TANGO6: variants seen among roughly 807,000 people sequenced by gnomAD.
TANGO6 encodes transport and Golgi organization protein 6 homolog.
A neutral mutation model predicts 114.2 loss-of-function variants in TANGO6; 90 were observed. That is an observed-to-expected ratio of 0.79 (90% CI 0.66 to 0.94). The LOEUF (loss-of-function observed/expected upper bound fraction) is 0.94. Ranked by LOEUF, TANGO6 falls within the 40% of genes least tolerant of loss-of-function variation. TANGO6 has a pLI of 0.00. For synonymous variants in TANGO6, 477 were observed against 509.8 expected (o/e 0.94, Z 0.87); for missense variants, 1,274 against 1,315.3 (o/e 0.97, Z 0.49).
At chr16:68,846,175 G>A (rs978597877) in intron 1 of TANGO6, among the ~76,000 whole-genome samples, 2 of 151,904 alleles carry the variant, frequency 1.3e-5, no homozygotes, top group East Asian at 1.9e-4. Flanking sequence ...ACAGGCATGC[G>A]CCACATGCCC....
intron 15 of TANGO6, among the ~76,000 whole-genome samples, chr16:69,015,548 C>G (rs1959280898): frequency 6.6e-6 from 1 of 151,740 alleles, no homozygotes; most frequent in Admixed American, 6.6e-5. Flanking sequence ...GTGGCATGAT[C>G]TCGGCTAACT....
At chr16:69,054,323 C>T (rs897378837) in intron 17 of TANGO6, among the ~76,000 whole-genome samples, 2 of 152,160 alleles carry the variant, frequency 1.3e-5, no homozygotes, top group African/African-American at 4.8e-5. Context: ...TACCTGGATG[C>T]AGAGAGTAGT....
intron 12 of TANGO6, among the ~76,000 whole-genome samples, chr16:68,922,123 C>CT (rs1258496277): frequency 1.3e-5 from 2 of 151,868 alleles, no homozygotes; most frequent in Non-Finnish European, 2.9e-5. Context: ...TCATCTGAAC[C>CT]TTTTTTGTTT....
chr16:69,006,707 C>T (rs1208113121), intron 15 of TANGO6, among the ~76,000 whole-genome samples: 4 of 152,136 alleles, frequency 2.6e-5, no homozygotes, highest in African/African-American at 7.2e-5. Flanking sequence ...ACTGAGATCG[C>T]ACCACTGCAC....
chr16:69,005,686 G>T (rs1483989860), intron 15 of TANGO6, among the ~76,000 whole-genome samples: 1 of 151,934 alleles, frequency 6.6e-6, no homozygotes, highest in Non-Finnish European at 1.5e-5. Flanking sequence ...TACTTGGGAG[G>T]CTGAGGGAGG....
intron 14 of TANGO6, among the ~76,000 whole-genome samples, chr16:68,966,806 C>T (rs1963650887): frequency 6.9e-6 from 1 of 145,542 alleles, no homozygotes; most frequent in Non-Finnish European, 1.5e-5. Context: ...CAGTCTCGCT[C>T]TGTCACTCAG....
chr16:69,060,249 C>T (rs927110619), intron 17 of TANGO6, among the ~76,000 whole-genome samples: 6 of 152,098 alleles, frequency 3.9e-5, no homozygotes, highest in African/African-American at 1.4e-4. Flanking sequence ...AACTCCTGGG[C>T]TCAAGTGATC....
intron 17 of TANGO6, among the ~76,000 whole-genome samples, chr16:69,078,971 T>G (rs1206540072): frequency 6.7e-6 from 1 of 148,196 alleles, no homozygotes; most frequent in Non-Finnish European, 1.5e-5. Flanking sequence ...CTCGAACTCC[T>G]GAGCTCAGGT....
At chr16:69,054,029 C>CA (rs2152237985) in intron 17 of TANGO6, among the ~76,000 whole-genome samples, 1 of 152,170 alleles carries the variant, frequency 6.6e-6, no homozygotes, top group South Asian at 2.1e-4. Flanking sequence ...CACTCCATTG[C>CA]ACTCCAGCCT....
chr16:68,891,892 G>A (rs1597008016), intron 7 of TANGO6, among the ~76,000 whole-genome samples: 2 of 145,730 alleles, frequency 1.4e-5, no homozygotes, highest in Non-Finnish European at 3.0e-5. Flanking sequence ...GGGAGGGAAG[G>A]AGGGAGGGAG....
At position 68,891,817 on chromosome 16, in the gene TANGO6, C is replaced by T. The variant is rs75729083; in HGVS notation, c.1378-8617C>T. Among the ~76,000 whole-genome samples, 714 of 114,260 alleles carry T rather than the reference C, an allele frequency of 6.2e-3. 7 individuals are homozygous for T. Among genetic ancestry groups the T allele is most frequent in the African/African-American group, 0.022 (675 of 30,738 alleles). 75.0% of individuals were successfully genotyped at this position (114,260 alleles called of 152,430 possible). On this transcript the variant is annotated intron_variant, in intron 7 of 17. Coordinates refer to ENST00000261778, the MANE Select transcript of TANGO6 (RefSeq NM_024562.2). ...AGAAAGGAAAGAAGGAAGGGAAGGACGGAGGGGAGGAGGGAGGGAAAGGGA... is the reference window on the plus strand; with the variant it reads ...AGAAAGGAAAGAAGGAAGGGAAGGATGGAGGGGAGGAGGGAGGGAAAGGGA...
chr16:69,045,921 G>A lies in TANGO6; in HGVS notation c.3108+5500G>A, dbSNP rs183695241. Among the ~76,000 whole-genome samples the A allele has an allele frequency of 6.5e-3, 980 of 151,232 alleles. 5 individuals carry two copies. Among genetic ancestry groups the A allele is most frequent in the Middle Eastern group, 0.037 (11 of 294 alleles). ...TCTACTAAAAATACAAAAATTAGCCGGGCGTGGTGTCACGCATCTGTAATC... is the reference window on the plus strand; with the variant it reads ...TCTACTAAAAATACAAAAATTAGCCAGGCGTGGTGTCACGCATCTGTAATC... On this transcript the variant is annotated intron_variant, in intron 17 of 17. Coordinates refer to ENST00000261778, the MANE Select transcript of TANGO6 (RefSeq NM_024562.2).
chr16:69,023,728 G>A (rs1306759672), intron 16 of TANGO6, among the ~76,000 whole-genome samples: 3 of 151,870 alleles, frequency 2.0e-5, no homozygotes, highest in Non-Finnish European at 4.4e-5. Context: ...TCAGGGGGAT[G>A]GTGTTGTTTA....
rs948070021 is a variant in TANGO6, at chr16:68,874,735, G to A, written c.995-419G>A. On this transcript the variant is annotated intron_variant, in intron 4 of 17. Coordinates refer to ENST00000261778, the MANE Select transcript of TANGO6 (RefSeq NM_024562.2). ...GGCTGAGGCGGGCAGATCACCTGAG[G>A]TCAGAAGTTCGAGACCAGCCTGGCC... Among the ~76,000 whole-genome samples the A allele has an allele frequency of 2.0e-5, 3 of 152,170 alleles. No individual in the cohort carries two copies. The East Asian group carries it at 5.8e-4, about 29-fold the overall frequency.
chr16:69,063,643 CAAAAAAAAAAAAAAAAA>C (rs770332921), intron 17 of TANGO6, among the ~76,000 whole-genome samples: 1 of 35,778 alleles, frequency 2.8e-5, no homozygotes, highest in Non-Finnish European at 5.5e-5. Flanking sequence ...ACTCCATCTC[CAAAAAAAAAAAAAAAAA>C]AAAAAAAAAA....
At position 68,859,969 on chromosome 16, in the gene TANGO6, G is replaced by C; in HGVS notation, c.180G>C (p.Lys60Asn). ...CTAACCTGTCTGCTTTGGAGGACAA[G>C]TTTCTGAAGGATCCTCAGTGGAAGA... ...LKSNLSALED[K>N]FLKDPQWKNL... is the part of the protein sequence containing the mutation. The change falls in exon 2 of 18, where the codon AAG becomes AAC. Residue 60 changes from lysine (K) to asparagine (N), a missense_variant. Physicochemically the swap from Lys to Asn is moderately conservative, Grantham distance 94. Coordinates refer to ENST00000261778, the MANE Select transcript of TANGO6 (RefSeq NM_024562.2). 1 of 1,613,288 alleles carries C rather than the reference G, an allele frequency of 6.2e-7. No individual in the cohort carries two copies. The highest frequency in any genetic ancestry group is 8.5e-7 in the Non-Finnish European group (1 of 1,179,318).
intron 17 of TANGO6, among the ~76,000 whole-genome samples, chr16:69,041,978 ATAAGAGAAGGACAGCCC>A (rs1479608125): frequency 6.6e-6 from 1 of 152,200 alleles, no homozygotes; most frequent in Middle Eastern, 3.2e-3. Context: ...AAGAAAGAAG[ATAAGAGAAGGACAGCCC>A]TAGGTGCTTT....
intron 12 of TANGO6, among the ~76,000 whole-genome samples, chr16:68,927,123 C>T (rs1437682492): frequency 6.6e-6 from 1 of 152,278 alleles, no homozygotes; most frequent in East Asian, 1.9e-4. Context: ...ACTGACTGGC[C>T]ACTTTAGATC....
chr16:69,083,570 C>G lies in TANGO6; in HGVS notation c.3194C>G (p.Ala1065Gly). 1 of 1,607,666 alleles carries G rather than the reference C, an allele frequency of 6.2e-7. No individual in the cohort carries two copies. Among genetic ancestry groups the G allele is most frequent in the Non-Finnish European group, 8.5e-7 (1 of 1,177,102 alleles). Residue 1065 changes from alanine to glycine, a missense_variant, in exon 18 of 18, where the codon GCC (alanine) becomes GGC (glycine). Coordinates refer to ENST00000261778, the MANE Select transcript of TANGO6 (RefSeq NM_024562.2). ...LEPDDVAKLH[A>G]QLALEELDDI... ...CCCGATGACGTGGCCAAGCTCCATG[C>G]CCAGTTGGCCCTAGAAGAGCTGGAT...
Sources: allele counts gnomAD v4.1 joint callset (sites outside exome capture counted in the v4.1 genomes callset), GRCh38; gene constraint gnomAD v4.1.1; transcripts MANE v1.5; gene names NCBI Gene and HGNC (gene_info 2026-07-23, HGNC 2026-07-21).